AOPEP: variants seen among roughly 807,000 people sequenced by gnomAD.
AOPEP encodes the protein aminopeptidase O (putative).
In AOPEP, 77 loss-of-function variants were observed where a neutral mutation model predicts 98.1. That is an observed-to-expected ratio of 0.78 (90% CI 0.65 to 0.95). The LOEUF (loss-of-function observed/expected upper bound fraction) is 0.95. AOPEP is among the 40% of genes least tolerant of loss of function. The pLI is 0.00. For missense variants in AOPEP, 1,024 were observed against 1,024.7 expected (o/e 1.00, Z 0.01); for synonymous variants, 346 against 365.3 (o/e 0.95, Z 0.60).
chr9:94,900,706 T>G (rs963730564), intron 5 of AOPEP: 1 of 152,256 alleles, frequency 6.6e-6, no homozygotes, highest in Non-Finnish European at 1.5e-5. Flanking sequence ...TGCATGTCTG[T>G]ATCTTAGTCA....
chr9:94,830,941 C>G (rs1044314149), intron 5 of AOPEP, among the ~76,000 whole-genome samples: 2 of 152,082 alleles, frequency 1.3e-5, no homozygotes, highest in African/African-American at 4.8e-5. Flanking sequence ...CTTGTAGATT[C>G]TGGATATTAG....
intron 1 of AOPEP, among the ~76,000 whole-genome samples, chr9:94,739,759 C>A (rs1352932468): frequency 6.6e-6 from 1 of 152,074 alleles, no homozygotes; most frequent in South Asian, 2.1e-4. Context: ...CCTTGTTACG[C>A]TAGGCATGAA....
chr9:94,915,844 A>G (rs1240052212), intron 5 of AOPEP, among the ~76,000 whole-genome samples: 12 of 152,302 alleles, frequency 7.9e-5, no homozygotes, highest in South Asian at 2.1e-4. Flanking sequence ...TTCCTCACCA[A>G]TTGAATTCTG....
At chr9:95,089,982 C>T (rs2070843775), downstream of AOPEP, among the ~76,000 whole-genome samples, 2 of 152,218 alleles carry the variant, frequency 1.3e-5, no homozygotes, top group Admixed American at 6.5e-5. Context: ...AGGTAGAAGC[C>T]AAGAAACACC....
At chr9:94,732,173 A>G (rs1830698667) in intron 1 of AOPEP, among the ~76,000 whole-genome samples, 1 of 152,108 alleles carries the variant, frequency 6.6e-6, no homozygotes, top group Non-Finnish European at 1.5e-5. Flanking sequence ...AGTATACTCT[A>G]GAGGATGTAA....
At chr9:94,830,669 A>C (rs1248561231) in intron 5 of AOPEP, among the ~76,000 whole-genome samples, 1 of 152,194 alleles carries the variant, frequency 6.6e-6, no homozygotes, top group African/African-American at 2.4e-5. Flanking sequence ...CACTCTCACC[A>C]AGTGTAAAAG....
At chr9:95,076,201 G>T (rs1421518490) in intron 14 of AOPEP, among the ~76,000 whole-genome samples, 1 of 152,236 alleles carries the variant, frequency 6.6e-6, no homozygotes, top group Non-Finnish European at 1.5e-5. Context: ...TGGTAATTCA[G>T]TGGTGGTGAT....
Position 95,087,028 on chromosome 9 carries a change from T to G in AOPEP, c.*351T>G. On this transcript the variant is annotated 3_prime_UTR_variant, in exon 17 of 17. Coordinates refer to ENST00000375315, the MANE Select transcript of AOPEP (RefSeq NM_001193329.3). ...TACATTGGTCTGCTCAGCACATGGC[T>G]GGATGCGGATATTTCTATAATTCCA... is the stretch of plus-strand genomic sequence containing the variant. The G allele has an allele frequency of 1.3e-6, 1 of 794,558 alleles. No homozygotes were observed. Among genetic ancestry groups the G allele is most frequent in the Non-Finnish European group, 1.5e-6 (1 of 655,258 alleles). The allele number at this position is 794,558 out of a possible 1,614,324, so 49.2% of individuals were successfully genotyped here. A position where few individuals can be genotyped will look rare whatever the true frequency, so the allele number is the denominator to read the frequency against.
At chr9:94,962,894 C>T (rs2058948880) in intron 9 of AOPEP, among the ~76,000 whole-genome samples, 1 of 152,150 alleles carries the variant, frequency 6.6e-6, no homozygotes, top group East Asian at 1.9e-4. Context: ...CAGGCACCCG[C>T]CACCACGCCT....
At chr9:94,844,419 T>C (rs554619302) in intron 5 of AOPEP, among the ~76,000 whole-genome samples, 1 of 152,374 alleles carries the variant, frequency 6.6e-6, no homozygotes, top group East Asian at 1.9e-4. Flanking sequence ...TTTCAGTGCA[T>C]GTATACATAG....
At chr9:95,011,414 G>A (rs2062507735) in intron 13 of AOPEP, among the ~76,000 whole-genome samples, 1 of 152,040 alleles carries the variant, frequency 6.6e-6, no homozygotes, top group African/African-American at 2.4e-5. Flanking sequence ...GTGTTAGCCA[G>A]GATGGTCTCT....
chr9:94,931,633 C>A lies in AOPEP; in HGVS notation c.1661+3102C>A, dbSNP rs534827826. On this transcript the variant is annotated intron_variant, in intron 7 of 16. Transcript: ENST00000375315. Reference sequence around the variant, plus strand: ...TCCCTTAAAAACAATCAGATGCTATCTTGTTCTTTCTTTCAAGATGCCCCA... The same window carrying A: ...TCCCTTAAAAACAATCAGATGCTATATTGTTCTTTCTTTCAAGATGCCCCA... 2.7e-4 allele frequency: 246 copies of A among 895,194 alleles called. 2 individuals are homozygous for A. In the South Asian group the frequency reaches 3.4e-3, roughly 13 times the overall value. 55.5% of individuals were successfully genotyped at this position (895,194 alleles called of 1,614,324 possible). A position where few individuals can be genotyped will look rare whatever the true frequency, so the allele number is the denominator to read the frequency against.
chr9:94,960,826 C>G lies in AOPEP; in HGVS notation c.1872+4811C>G, dbSNP rs555133172. Among the ~76,000 whole-genome samples, 8 of 152,152 alleles carry G rather than the reference C, an allele frequency of 5.3e-5. No homozygotes were observed. The East Asian group carries it at 1.6e-3, about 30-fold the overall frequency. ...AGGAGATCGAGACCATCTTGGCTAA[C>G]ACGGTGAAACCCCGTCTCTACTAAA... On this transcript the variant is annotated intron_variant, in intron 9 of 16. Transcript: ENST00000375315.
At chr9:94,817,255 T>A (rs1227930692) in intron 5 of AOPEP, among the ~76,000 whole-genome samples, 1 of 152,152 alleles carries the variant, frequency 6.6e-6, no homozygotes, top group Non-Finnish European at 1.5e-5. Flanking sequence ...TCTGTGTGCC[T>A]TGGCCTCCCA....
intron 5 of AOPEP, among the ~76,000 whole-genome samples, chr9:94,868,745 T>G (rs189921785): frequency 1.1e-4 from 16 of 152,318 alleles, no homozygotes; most frequent in Admixed American, 9.1e-4. Flanking sequence ...CTATGTTACC[T>G]TCCCTGATTT....
intron 13 of AOPEP, among the ~76,000 whole-genome samples, chr9:95,060,161 T>A (rs1352069786): frequency 6.6e-6 from 1 of 152,204 alleles, no homozygotes; most frequent in African/African-American, 2.4e-5. Context: ...TTTAATGGAT[T>A]ATAAGTATGA....
intron 5 of AOPEP, among the ~76,000 whole-genome samples, chr9:94,882,277 T>C (rs770319953): frequency 1.3e-5 from 2 of 152,238 alleles, no homozygotes; most frequent in African/African-American, 2.4e-5. Context: ...CAGAGTACAG[T>C]CCTCTTTCGT....
intron 5 of AOPEP, among the ~76,000 whole-genome samples, chr9:94,835,846 G>C (rs976926797): frequency 5.9e-5 from 9 of 152,244 alleles, no homozygotes; most frequent in African/African-American, 1.7e-4. Context: ...TGGTTCAAAG[G>C]CTCCTTTGAT....
chr9:95,118,439 A>C, the AOPEP span, among the ~76,000 whole-genome samples: 4 of 152,226 alleles, frequency 2.6e-5, no homozygotes, highest in Admixed American at 2.6e-4. Context: ...TTGAGGTAAA[A>C]TCTATAACGC....
Sources: gnomAD v4.1 joint callset for allele counts (sites outside exome capture counted in the v4.1 genomes callset) on GRCh38, gnomAD v4.1.1 for gene constraint, MANE v1.5 for transcripts, NCBI Gene and HGNC (gene_info 2026-07-23, HGNC 2026-07-21) for gene names.